The following RUNX1 variants were observed in gnomAD, a reference collection of about 807,000 sequenced individuals.
RUNX1 encodes RUNX family transcription factor 1.
In RUNX1, 19 loss-of-function variants were observed where a neutral mutation model predicts 42.8. That is an observed-to-expected ratio of 0.44 (90% CI 0.31 to 0.65). The LOEUF is 0.65. RUNX1 is among the 30% of genes least tolerant of loss of function. The pLI is 0.07. For missense variants in RUNX1, 528 were observed against 672.0 expected, an observed-to-expected ratio of 0.79 and a Z score of 2.37; for synonymous variants, 271 against 289.4, an observed-to-expected ratio of 0.94 and a Z score of 0.64.
intron 2 of RUNX1, among the ~76,000 whole-genome samples, chr21:34,908,183 A>C (rs1327423339): frequency 6.6e-6 from 1 of 151,068 alleles, no homozygotes; most frequent in African/African-American, 2.4e-5. Context: ...CTCCAGCCCC[A>C]AAAAAGTCAT....
chr21:34,812,327 C>T (rs1004586461), intron 7 of RUNX1, among the ~76,000 whole-genome samples: 13 of 152,156 alleles, frequency 8.5e-5, no homozygotes, highest in African/African-American at 3.1e-4. Context: ...AAAGAGTTGA[C>T]CTTGATGTGA....
At chr21:34,922,771 G>T (rs1258911353) in intron 2 of RUNX1, among the ~76,000 whole-genome samples, 11 of 152,206 alleles carry the variant, frequency 7.2e-5, no homozygotes, top group Admixed American at 7.2e-4. Flanking sequence ...CACCTGGAGA[G>T]GCTGGATATT....
chr21:34,792,280 G>C lies in RUNX1; in HGVS notation c.1298C>G (p.Thr433Ser), dbSNP rs2145873756. 2 of 1,542,484 alleles carry C rather than the reference G, an allele frequency of 1.3e-6. No individual in the cohort carries two copies. Among genetic ancestry groups the C allele is most frequent in the Non-Finnish European group, 1.7e-6 (2 of 1,147,098 alleles). Reference protein sequence around the residue: ...RSPPRILPPCTNASTGSALLN... With the variant: ...RSPPRILPPCSNASTGSALLN... The stretch of plus-strand genomic sequence containing the variant: ...CAGCGCGGAGCCGGTGGAGGCGTTG[G>C]TGCAGGGCGGCAGGATGCGCGGCGG... The change falls in exon 9 of 9, where the codon ACC becomes AGC. Residue 433 changes from threonine to serine, a missense_variant. Transcript: ENST00000675419. The surrounding 1 kb of genome is among the most constrained non-coding windows in gnomAD (Gnocchi z 6.9).
chr21:34,834,674 G>C (rs911087654), intron 6 of RUNX1, 73 bp from the exon 7 acceptor site: 5 of 1,344,752 alleles, frequency 3.7e-6, no homozygotes, highest in Non-Finnish European at 5.2e-6. Context: ...AAAAAGTATT[G>C]TGGATTTCCT....
At chr21:35,020,316 G>C (rs76688895) in intron 2 of RUNX1, among the ~76,000 whole-genome samples, 6,119 of 152,136 alleles carry the variant, frequency 0.04, 402 homozygotes, top group African/African-American at 0.14. Flanking sequence ...TAATGGAGCA[G>C]AGATGAATCC....
At chr21:34,938,748 T>C (rs2058505143) in intron 2 of RUNX1, among the ~76,000 whole-genome samples, 1 of 152,222 alleles carries the variant, frequency 6.6e-6, no homozygotes, top group Non-Finnish European at 1.5e-5. Context: ...CTTCTCAGTA[T>C]TTTGTTGTGC....
Position 34,792,492 on chromosome 21 carries a change from C to A in RUNX1, c.1086G>T (p.Ser362=), listed in dbSNP as rs143947839. 2.4e-5 allele frequency: 38 copies of A among 1,594,710 alleles called. No homozygotes were observed. The East Asian group carries it at 8.4e-4, about 35-fold the overall frequency. The change falls in exon 9 of 9, where the codon TCG becomes TCT. Residue 362 remains serine (S), a synonymous_variant. Transcript: ENST00000675419. This position sits in a 1 kb window ranked among gnomAD's most constrained non-coding sequence, Gnocchi z 6.9. Reference sequence around the variant, plus strand: ...TGGCCGACATGCCGATGCCGATGCCCGAGGTGACCGGCGTCGGGGAGTAGG... The same window carrying A: ...TGGCCGACATGCCGATGCCGATGCCAGAGGTGACCGGCGTCGGGGAGTAGG... ...AFTYSPTPVT[S]GIGIGMSAMG...
chr21:34,923,222 C>G (rs1011390694), intron 2 of RUNX1, among the ~76,000 whole-genome samples: 2 of 152,204 alleles, frequency 1.3e-5, no homozygotes, highest in Non-Finnish European at 2.9e-5. Context: ...AAAATAATGA[C>G]TATCAAGCAC....
At chr21:34,984,986 A>T (rs2058874569) in intron 2 of RUNX1, among the ~76,000 whole-genome samples, 1 of 152,188 alleles carries the variant, frequency 6.6e-6, no homozygotes, top group African/African-American at 2.4e-5. Context: ...TAGCCCCAAA[A>T]TATATAGCAT....
intron 2 of RUNX1, among the ~76,000 whole-genome samples, chr21:34,972,146 G>GA (rs2058768426): frequency 6.6e-6 from 1 of 152,116 alleles, no homozygotes; most frequent in South Asian, 2.1e-4. Flanking sequence ...CAGAAAAACT[G>GA]GAAATTTCAC....
intron 7 of RUNX1, among the ~76,000 whole-genome samples, chr21:34,801,805 G>A (rs1041483270): frequency 1.3e-5 from 2 of 152,214 alleles, no homozygotes; most frequent in African/African-American, 4.8e-5. Flanking sequence ...ATAATATGGT[G>A]CATTCTGGGT....
At chr21:34,945,079 ATAT>A (rs1422847959) in intron 2 of RUNX1, among the ~76,000 whole-genome samples, 1 of 152,216 alleles carries the variant, frequency 6.6e-6, no homozygotes, top group Non-Finnish European at 1.5e-5. Flanking sequence ...GCCAATATAG[ATAT>A]TATCAAGATG....
chr21:34,942,001 C>A (rs1031414824), intron 2 of RUNX1, among the ~76,000 whole-genome samples: 2 of 152,000 alleles, frequency 1.3e-5, no homozygotes, highest in Non-Finnish European at 2.9e-5. Context: ...TCAAGGAAAA[C>A]TAGGAAACAA....
At chr21:34,914,073 T>TAGGA (rs1001491935) in intron 2 of RUNX1, among the ~76,000 whole-genome samples, 41 of 152,190 alleles carry the variant, frequency 2.7e-4, no homozygotes, top group African/African-American at 9.7e-4. Context: ...GCCGAGGGAA[T>TAGGA]TCTCTCTCAG....
rs2057642674 is a variant in RUNX1 at position 34,865,282 on chromosome 21, G to A, written c.509-5704C>T. On this transcript the variant is annotated intron_variant, in intron 5 of 8. Coordinates refer to ENST00000675419, the MANE Select transcript of RUNX1 (RefSeq NM_001754.5). ...TGACATGAGGAGGGGTTTTGTGCGT[G>A]TGTGTGTGTGTGTGTGTGTGTGTGT... Among the ~76,000 whole-genome samples, 3 of 43,298 alleles carry A rather than the reference G, an allele frequency of 6.9e-5. No homozygotes were observed. The South Asian group carries it at 1.6e-3, about 24-fold the overall frequency. 28.4% of individuals were successfully genotyped at this position (43,298 alleles called of 152,430 possible).
Position 34,843,832 on chromosome 21 carries a change from A to G in RUNX1, c.614-9231T>C, listed in dbSNP as rs1430911537. Among the ~76,000 whole-genome samples the G allele has an allele frequency of 1.4e-4, 22 of 152,020 alleles. No individual in the cohort carries two copies. Among genetic ancestry groups the G allele is most frequent in the Admixed American group, 1.4e-3 (22 of 15,268 alleles). ...CTAAAAGCAGAGCACTCAAAATCTA[A>G]ATCTGCCATCCCCGGTCGCCAGGGC... On this transcript the variant is annotated intron_variant, in intron 6 of 8. Transcript: ENST00000675419. The surrounding 1 kb of genome is among the most constrained non-coding windows in gnomAD (Gnocchi z 4.8).
intron 2 of RUNX1, among the ~76,000 whole-genome samples, chr21:34,960,211 T>C (rs2058672824): frequency 1.3e-5 from 2 of 152,192 alleles, no homozygotes; most frequent in African/African-American, 4.8e-5. Flanking sequence ...CCATTTCCTG[T>C]TCTTCCTGGG....
At chr21:34,909,833 C>T (rs967489189) in intron 2 of RUNX1, among the ~76,000 whole-genome samples, 3 of 152,188 alleles carry the variant, frequency 2.0e-5, no homozygotes, top group Non-Finnish European at 4.4e-5. Context: ...TTCCTCTGCT[C>T]ACACCATGAT....
At chr21:34,930,289 TATAAATAA>T (rs200464696) in intron 2 of RUNX1, among the ~76,000 whole-genome samples, 58 of 137,156 alleles carry the variant, frequency 4.2e-4, no homozygotes, top group African/African-American at 1.3e-3. Flanking sequence ...TATATATATA[TATAAATAA>T]ATAAATAAAA....
Sources: gnomAD v4.1 joint callset for allele counts (sites outside exome capture counted in the v4.1 genomes callset) on GRCh38, gnomAD v4.1.1 for gene constraint, Gnocchi (gnomAD v3.1) non-coding constraint, MANE v1.5 for transcripts, NCBI Gene and HGNC (gene_info 2026-07-23, HGNC 2026-07-21) for gene names.